Variants in CDH4 observed in about 807,000 individuals in gnomAD.
The protein encoded by CDH4 is cadherin-4.
A neutral mutation model predicts 86.0 loss-of-function variants in CDH4; 33 were observed. That is an observed-to-expected ratio of 0.38 (90% CI 0.29 to 0.51). The LOEUF (loss-of-function observed/expected upper bound fraction) is 0.51, where lower values mean the gene tolerates loss of function less well. CDH4 is among the 20% of genes least tolerant of loss of function. CDH4 has a pLI of 0.86. For synonymous variants in CDH4, 555 were observed against 549.4 expected, an observed-to-expected ratio of 1.01 and a Z score of -0.14; for missense variants, 1,114 against 1,307.4, an observed-to-expected ratio of 0.85 and a Z score of 2.28.
At chr20:61,500,845 A>G (rs2085695810) in intron 2 of CDH4, among the ~76,000 whole-genome samples, 1 of 152,236 alleles carries the variant, frequency 6.6e-6, no homozygotes, top group Admixed American at 6.5e-5. Context: ...TTGAACTGGC[A>G]CTGGGACATC....
chr20:61,757,281 G>A (rs1005173103), intron 3 of CDH4, among the ~76,000 whole-genome samples: 16 of 152,286 alleles, frequency 1.1e-4, no homozygotes, highest in African/African-American at 3.6e-4. Flanking sequence ...GGGGTGGTGG[G>A]CCGTCAGTAT....
intron 3 of CDH4, among the ~76,000 whole-genome samples, chr20:61,751,570 T>G (rs140665970): frequency 6.6e-6 from 1 of 152,020 alleles, no homozygotes; most frequent in African/African-American, 2.4e-5. Flanking sequence ...CGCTTGATTT[T>G]TTATTATAAG....
At chr20:61,635,602 G>A (rs79955210) in intron 2 of CDH4, among the ~76,000 whole-genome samples, 5,434 of 152,292 alleles carry the variant, frequency 0.036, 316 homozygotes, top group African/African-American at 0.12. Flanking sequence ...AACGAGGGGC[G>A]GGCAGGGGCC....
At chr20:61,292,047 T>G (rs1327368461) in intron 2 of CDH4, among the ~76,000 whole-genome samples, 1 of 152,200 alleles carries the variant, frequency 6.6e-6, no homozygotes. Context: ...GGCCTCCAGC[T>G]TCATCCATGT....
At chr20:61,824,463 G>C (rs910535525) in intron 4 of CDH4, among the ~76,000 whole-genome samples, 2 of 152,158 alleles carry the variant, frequency 1.3e-5, no homozygotes, top group Non-Finnish European at 2.9e-5. Context: ...AGACTCCTGG[G>C]AAGTGTCATT....
rs143350845 is a variant in CDH4, at chr20:61,347,992, C to T, written c.169+93055C>T. Among the ~76,000 whole-genome samples, 22 of 152,306 alleles carry T rather than the reference C, an allele frequency of 1.4e-4. No homozygotes were observed. The East Asian group carries it at 4.0e-3, about 28-fold the overall frequency. On this transcript the variant is annotated intron_variant, in intron 2 of 15. Coordinates refer to ENST00000614565, the MANE Select transcript of CDH4 (RefSeq NM_001794.5). ...GAGTGGAAACCCACGTGTGTATTAT[C>T]GGGGAAGACTTTCTTCTGGGAACAG...
At chr20:61,342,294 T>C (rs908415998) in intron 2 of CDH4, among the ~76,000 whole-genome samples, 1 of 152,186 alleles carries the variant, frequency 6.6e-6, no homozygotes, top group African/African-American at 2.4e-5. Context: ...TATTATTGCA[T>C]TGTGATATAT....
intron 2 of CDH4, among the ~76,000 whole-genome samples, chr20:61,418,834 A>T (rs2085161448): frequency 6.6e-6 from 1 of 152,036 alleles, no homozygotes; most frequent in African/African-American, 2.4e-5. Flanking sequence ...ATTATATGGC[A>T]GCACCCCCAC....
At chr20:61,597,812 G>C (rs986966207) in intron 2 of CDH4, among the ~76,000 whole-genome samples, 37 of 152,270 alleles carry the variant, frequency 2.4e-4, no homozygotes, top group African/African-American at 8.9e-4. Context: ...AACAATGAAA[G>C]AGCCAACCAC....
At chr20:61,734,855 G>C (rs555753480) in intron 2 of CDH4, among the ~76,000 whole-genome samples, 86 of 152,362 alleles carry the variant, frequency 5.6e-4, no homozygotes, top group African/African-American at 2.0e-3. Flanking sequence ...AATCAACCTG[G>C]GCAGATATTC....
intron 2 of CDH4, among the ~76,000 whole-genome samples, chr20:61,433,193 T>G (rs1252002753): frequency 6.6e-6 from 1 of 152,170 alleles, no homozygotes; most frequent in Non-Finnish European, 1.5e-5. Flanking sequence ...TCAATGTTCT[T>G]CTGTTTTTTA....
At chr20:61,387,327 AAC>A (rs973284802) in intron 2 of CDH4, among the ~76,000 whole-genome samples, 1 of 145,846 alleles carries the variant, frequency 6.9e-6, no homozygotes, top group Non-Finnish European at 1.5e-5. Flanking sequence ...CAGCCACACA[AAC>A]ACACACAGAG....
chr20:61,898,213 C>T (rs920376952), intron 8 of CDH4, among the ~76,000 whole-genome samples: 3 of 152,262 alleles, frequency 2.0e-5, no homozygotes, highest in African/African-American at 7.2e-5. Flanking sequence ...CACTGCCGCA[C>T]ATGCCGCCAG....
intron 2 of CDH4, among the ~76,000 whole-genome samples, chr20:61,595,384 T>A (rs1453453439): frequency 6.6e-6 from 1 of 152,216 alleles, no homozygotes; most frequent in Non-Finnish European, 1.5e-5. Context: ...AGTGTGCCCG[T>A]CAGGGCTGCC....
At chr20:61,622,909 A>T (rs529729893) in intron 2 of CDH4, among the ~76,000 whole-genome samples, 3 of 152,050 alleles carry the variant, frequency 2.0e-5, no homozygotes, top group African/African-American at 7.2e-5. Context: ...GTGGCTGCGG[A>T]GTTTAAGAGC....
At chr20:61,913,780 G>A (rs561409395) in intron 9 of CDH4, among the ~76,000 whole-genome samples, 326 of 152,366 alleles carry the variant, frequency 2.1e-3, no homozygotes, top group Admixed American at 3.7e-3. Context: ...GCTGGCAGGT[G>A]GGTGGGGCAT....
intron 8 of CDH4, among the ~76,000 whole-genome samples, chr20:61,895,728 A>T (rs1263962485): frequency 6.6e-6 from 1 of 151,908 alleles, no homozygotes; most frequent in African/African-American, 2.4e-5. Flanking sequence ...ACATTTGATG[A>T]CCCCACTTCC....
At chr20:61,336,746 G>T (rs1301271889) in intron 2 of CDH4, among the ~76,000 whole-genome samples, 2 of 152,198 alleles carry the variant, frequency 1.3e-5, no homozygotes, top group African/African-American at 4.8e-5. Context: ...AGAATCAGTT[G>T]AAGGTAAGAG....
In CDH4 at chr20:61,252,359, C is replaced by T; in HGVS notation, c.-155C>T. The T allele has an allele frequency of 5.2e-6, 1 of 192,668 alleles. No individual in the cohort carries two copies. The highest frequency in any genetic ancestry group is 9.2e-6 in the Non-Finnish European group (1 of 108,276). 11.9% of individuals were successfully genotyped at this position (192,668 alleles called of 1,614,324 possible). A position where few individuals can be genotyped will look rare whatever the true frequency, so the allele number is the denominator to read the frequency against. On this transcript the variant is annotated 5_prime_UTR_variant, in exon 1 of 16. Transcript: ENST00000614565. This position sits in a 1 kb window ranked among gnomAD's most constrained non-coding sequence, Gnocchi z 4.4. ...GCTCCCGGAGCCGGGGCGGCGAGCG[C>T]GGCGGGCGCAGCGGGGCTGGAGGCT... is the stretch of plus-strand genomic sequence containing the variant.
Sources: gnomAD v4.1 joint callset for allele counts (sites outside exome capture counted in the v4.1 genomes callset) on GRCh38, gnomAD v4.1.1 for gene constraint, Gnocchi (gnomAD v3.1) non-coding constraint, MANE v1.5 for transcripts, NCBI Gene and HGNC (gene_info 2026-07-23, HGNC 2026-07-21) for gene names.